FCHO1: variants seen among roughly 807,000 people sequenced by gnomAD.
The protein encoded by FCHO1 is FCH and mu domain containing endocytic adaptor 1, also known as F-BAR domain only protein 1.
Under a neutral mutation model 114.4 loss-of-function variants are expected in FCHO1, and 45 were observed. That is an observed-to-expected ratio of 0.39 (90% confidence interval 0.31 to 0.50). FCHO1 has a LOEUF of 0.50. FCHO1 is among the 20% of genes least tolerant of loss of function. The pLI is 0.77. For synonymous variants in FCHO1, 480 were observed against 488.9 expected (o/e 0.98, Z 0.24); for missense variants, 1,042 against 1,209.6 (o/e 0.86, Z 2.06).
intron 6 of FCHO1, among the ~76,000 whole-genome samples, chr19:17,766,379 C>T (rs1457991685): frequency 6.6e-6 from 1 of 151,988 alleles, no homozygotes; most frequent in African/African-American, 2.4e-5. Flanking sequence ...CTCAAGTGAC[C>T]TGCTCGACTC....
At chr19:17,762,231 C>T (rs970669634) in intron 4 of FCHO1, among the ~76,000 whole-genome samples, 17 of 152,010 alleles carry the variant, frequency 1.1e-4, no homozygotes, top group Non-Finnish European at 1.9e-4. Context: ...AGTGAACCAC[C>T]CACCTTGGCT....
In FCHO1 at chr19:17,784,090, C is replaced by T. The variant is rs200996484; in HGVS notation, c.2094-13C>T. 9.7e-4 allele frequency: 1,571 copies of T among 1,613,276 alleles called. 1 individual carries two copies. Among genetic ancestry groups the T allele is most frequent in the Admixed American group, 1.4e-3 (85 of 59,948 alleles). ...GTCCCGAGGATTGGGGTGATCAGTC[C>T]GGGTCTCTGCAGTGACCCCTCCCAG... On this transcript the variant is annotated splice_polypyrimidine_tract_variant and intron_variant, in intron 24 of 28. Coordinates refer to ENST00000596536, the MANE Select transcript of FCHO1 (RefSeq NM_015122.3). This position sits in a 1 kb window ranked among gnomAD's most constrained non-coding sequence, Gnocchi z 5.3.
At chr19:17,757,345 G>A (rs1432637195) in intron 4 of FCHO1, among the ~76,000 whole-genome samples, 1 of 152,160 alleles carries the variant, frequency 6.6e-6, no homozygotes, top group Non-Finnish European at 1.5e-5. Context: ...GGTTTGCCAG[G>A]TCTGGGAAAC....
intron 27 of FCHO1, among the ~76,000 whole-genome samples, chr19:17,786,964 C>T (rs922587071): frequency 6.6e-6 from 1 of 151,944 alleles, no homozygotes; most frequent in Admixed American, 6.6e-5. Context: ...TGGCTCACGC[C>T]TGTAATCCCA....
At position 17,778,806 on chromosome 19, in the gene FCHO1, G is replaced by A; in HGVS notation, c.1549G>A (p.Ala517Thr). 1 of 1,544,640 alleles carries A rather than the reference G, an allele frequency of 6.5e-7. No homozygotes were observed. Among genetic ancestry groups the A allele is most frequent in the East Asian group, 2.4e-5 (1 of 41,922 alleles). ...APPPEARGIR[A>T]PPLPDSPQPL... Reference sequence around the variant, plus strand: ...ACCCCCAGAGGCCAGGGGTATCCGGGCACCGCCTCTGCCAGACTCGCCGCA... The same window carrying A: ...ACCCCCAGAGGCCAGGGGTATCCGGACACCGCCTCTGCCAGACTCGCCGCA... Residue 517 changes from alanine (A) to threonine (T), a missense_variant, in exon 20 of 29, where the codon GCA becomes ACA. This residue lies in a region of FCHO1 where 455 missense variants were observed against 455.4 expected (regional missense o/e 1.00). Transcript: ENST00000596536.
At chr19:17,785,066 T>C in intron 26 of FCHO1, 142 bp downstream of exon 26, 2 of 774,080 alleles carry the variant, frequency 2.6e-6, no homozygotes, top group Non-Finnish European at 4.3e-6. Context: ...AAGGGTGATG[T>C]TATGAGTGCC....
At chr19:17,783,982 G>C (rs536189888) in intron 24 of FCHO1, 121 bp from the exon 25 acceptor site, 4 of 1,245,002 alleles carry the variant, frequency 3.2e-6, no homozygotes, top group Admixed American at 4.4e-5. Flanking sequence ...CACCCAGGTA[G>C]GGCTTTGCTG....
At chr19:17,771,371 GA>G (rs891119182) in intron 9 of FCHO1, among the ~76,000 whole-genome samples, 1 of 137,078 alleles carries the variant, frequency 7.3e-6, no homozygotes, top group African/African-American at 2.8e-5. Flanking sequence ...AAAAAAAAAA[GA>G]AAAGAAAAGA....
At chr19:17,786,660 G>A in intron 27 of FCHO1, 31 bp downstream of exon 27, 5 of 1,576,978 alleles carry the variant, frequency 3.2e-6, no homozygotes, top group Non-Finnish European at 4.3e-6. Flanking sequence ...AGGGCTGGGT[G>A]GGAGGGACTG....
chr19:17,782,485 T>C (rs778762255), intron 23 of FCHO1, among the ~76,000 whole-genome samples: 4 of 152,136 alleles, frequency 2.6e-5, no homozygotes, highest in Non-Finnish European at 4.4e-5. Context: ...AGGATAGACA[T>C]GAGCCACTGT....
chr19:17,767,041 C>T (rs1452720212), intron 7 of FCHO1, among the ~76,000 whole-genome samples: 4 of 151,780 alleles, frequency 2.6e-5, no homozygotes, highest in African/African-American at 9.7e-5. Context: ...AAATCCCGCC[C>T]ACCCCCCACC....
intron 11 of FCHO1, 54 bp downstream of exon 11, chr19:17,772,795 G>A: frequency 7.6e-7 from 1 of 1,321,428 alleles, no homozygotes; most frequent in Non-Finnish European, 1.1e-6. Flanking sequence ...CTGCAGACAG[G>A]CATGTGCCAC....
chr19:17,748,656 C>T (rs957334757), upstream of FCHO1, among the ~76,000 whole-genome samples: 1 of 152,166 alleles, frequency 6.6e-6, no homozygotes, highest in Admixed American at 6.5e-5. Flanking sequence ...GGGACCCCTC[C>T]ATCTGCCTTG....
chr19:17,786,856 T>C (rs2093943246), intron 27 of FCHO1, among the ~76,000 whole-genome samples: 2 of 151,694 alleles, frequency 1.3e-5, no homozygotes, highest in African/African-American at 4.8e-5. Flanking sequence ...AGTTGGAGGC[T>C]GCAGTGACCC....
intron 20 of FCHO1, 111 bp downstream of exon 20, chr19:17,778,995 C>A: frequency 2.6e-6 from 3 of 1,145,334 alleles, no homozygotes; most frequent in Non-Finnish European, 3.6e-6. Context: ...CAGGACCAGG[C>A]AGGCAGAACC....
At chr19:17,769,341 C>A (rs1005776126) in intron 7 of FCHO1, among the ~76,000 whole-genome samples, 1 of 148,974 alleles carries the variant, frequency 6.7e-6, no homozygotes, top group Non-Finnish European at 1.5e-5. Context: ...CTTTGGGAGT[C>A]CGAGGCAGGC....
At chr19:17,759,226 C>CTTTTTTTTTTTTTTTTTTTTTTTTTTTTT (rs1473282318) in intron 4 of FCHO1, among the ~76,000 whole-genome samples, 1 of 105,920 alleles carries the variant, frequency 9.4e-6, no homozygotes. Flanking sequence ...AGCTGATTAC[C>CTTTTTTTTTTTTTTTTTTTTTTTTTTTTT]TTTTTTTTTT....
intron 7 of FCHO1, among the ~76,000 whole-genome samples, chr19:17,767,385 C>A (rs144585802): frequency 2.3e-5 from 2 of 85,440 alleles, no homozygotes; most frequent in African/African-American, 8.6e-5. Context: ...TAGGGAGACC[C>A]CATCTTTACC....
In FCHO1 at chr19:17,775,555, A is replaced by G. The variant is rs1055498782; in HGVS notation, c.1003+42A>G. ...CCCTGGGGGCAGTTGTTGGCACAGC[A>G]AGGACAAAATTCTCCGTAATAACCA... On this transcript the variant is annotated intron_variant, in intron 15 of 28. Transcript: ENST00000596536. This position sits in a 1 kb window ranked among gnomAD's most constrained non-coding sequence, Gnocchi z 5.1. 1.9e-6 allele frequency: 3 copies of G among 1,572,750 alleles called. No individual in the cohort carries two copies. Among genetic ancestry groups the G allele is most frequent in the Admixed American group, 1.7e-5 (1 of 59,952 alleles).
Sources: allele counts gnomAD v4.1 joint callset (sites outside exome capture counted in the v4.1 genomes callset), GRCh38; gene constraint gnomAD v4.1.1; regional missense constraint gnomAD v4.1.1; non-coding constraint Gnocchi (gnomAD v3.1); transcripts MANE v1.5; gene names NCBI Gene and HGNC (gene_info 2026-07-23, HGNC 2026-07-21).